PARD3B: variants seen among roughly 807,000 people sequenced by gnomAD.
PARD3B encodes the protein par-3 family cell polarity regulator beta.
Under a neutral mutation model 130.2 loss-of-function variants are expected in PARD3B, and 103 were observed. The observed-to-expected ratio is 0.79, with a 90% CI of 0.67 to 0.93. The LOEUF (loss-of-function observed/expected upper bound fraction) is 0.93, where lower values mean the gene tolerates loss of function less well. PARD3B is among the 40% of genes least tolerant of loss of function. PARD3B has a pLI of 0.00. For synonymous variants in PARD3B, 583 were observed against 553.2 expected, an observed-to-expected ratio of 1.05 and a Z score of -0.76; for missense variants, 1,609 against 1,499.2, an observed-to-expected ratio of 1.07 and a Z score of -1.21.
intron 2 of PARD3B, among the ~76,000 whole-genome samples, chr2:204,898,599 C>T (rs1187854329): frequency 1.3e-5 from 2 of 151,988 alleles, no homozygotes; most frequent in African/African-American, 4.8e-5. Flanking sequence ...ATTGTGCAGA[C>T]ATTGGGTGAA....
At chr2:205,250,541 T>C (rs747741798) in intron 16 of PARD3B, among the ~76,000 whole-genome samples, 1 of 152,146 alleles carries the variant, frequency 6.6e-6, no homozygotes, top group Non-Finnish European at 1.5e-5. Context: ...AAGTACTCAT[T>C]AACAATCTAG....
chr2:205,242,693 C>G (rs2039402294), intron 15 of PARD3B, among the ~76,000 whole-genome samples: 1 of 152,178 alleles, frequency 6.6e-6, no homozygotes, highest in South Asian at 2.1e-4. Flanking sequence ...TACCCCACAA[C>G]CGTCATCAAA....
chr2:205,272,476 G>T (rs573744197), intron 16 of PARD3B, among the ~76,000 whole-genome samples: 26 of 152,060 alleles, frequency 1.7e-4, no homozygotes, highest in Non-Finnish European at 3.4e-4. Context: ...ATGATTACTT[G>T]TTTTAACAAT....
chr2:204,700,216 T>C (rs937026367), intron 2 of PARD3B, among the ~76,000 whole-genome samples: 21 of 152,118 alleles, frequency 1.4e-4, no homozygotes, highest in African/African-American at 4.3e-4. Context: ...CTTTCCTCTT[T>C]TTCCAAAACA....
intron 2 of PARD3B, among the ~76,000 whole-genome samples, chr2:204,790,525 T>C (rs1372777248): frequency 6.6e-6 from 1 of 152,188 alleles, no homozygotes; most frequent in African/African-American, 2.4e-5. Flanking sequence ...TTCTGGGTGC[T>C]GATGTTTACA....
intron 16 of PARD3B, among the ~76,000 whole-genome samples, chr2:205,248,817 C>T (rs370470049): frequency 1.3e-5 from 2 of 151,474 alleles, no homozygotes; most frequent in Non-Finnish European, 2.9e-5. Context: ...CCATGTTAGC[C>T]AGGATGGTTT....
At position 204,643,115 on chromosome 2, in the gene PARD3B, C is replaced by CAAAAAAAAAAA. The variant is rs71029202; in HGVS notation, c.121-43055_121-43045dup. ...GGCGACAGAGGGAGACTCTGTCTCACAAAAAAAAAAAAAAAAAAAAATGTT... is the reference window on the plus strand; with the variant it reads ...GGCGACAGAGGGAGACTCTGTCTCACAAAAAAAAAAAAAAAAAAAAAAAAAAAAAAAATGTT... On this transcript the variant is annotated intron_variant, in intron 1 of 22. Transcript: ENST00000406610. 0.013 allele frequency among the ~76,000 whole-genome samples: 427 copies of CAAAAAAAAAAA among 31,782 alleles called. 61 individuals carry two copies. In the East Asian group the frequency reaches 0.16, roughly 12 times the overall value. 20.9% of individuals were successfully genotyped at this position (31,782 alleles called of 152,430 possible).
intron 11 of PARD3B, among the ~76,000 whole-genome samples, chr2:205,163,727 T>C (rs188143334): frequency 6.6e-6 from 1 of 152,268 alleles, no homozygotes; most frequent in Admixed American, 6.5e-5. Flanking sequence ...CAGTAGGAGC[T>C]CCCAGCGTGA....
chr2:205,063,223 A>G (rs1045735506), intron 4 of PARD3B, among the ~76,000 whole-genome samples: 2 of 152,114 alleles, frequency 1.3e-5, no homozygotes, highest in Non-Finnish European at 2.9e-5. Context: ...ATTTTGAAGT[A>G]TATAATGTAT....
chr2:204,605,923 A>G (rs911895146), intron 1 of PARD3B, among the ~76,000 whole-genome samples: 1 of 152,102 alleles, frequency 6.6e-6, no homozygotes, highest in African/African-American at 2.4e-5. Context: ...CTTGTAATCC[A>G]TGCTGCCTCA....
At chr2:204,579,528 C>G (rs2032439721) in intron 1 of PARD3B, among the ~76,000 whole-genome samples, 1 of 152,110 alleles carries the variant, frequency 6.6e-6, no homozygotes, top group Non-Finnish European at 1.5e-5. Context: ...CTGTTCTACT[C>G]AGTCTCGTAG....
chr2:204,619,807 G>A lies in PARD3B; in HGVS notation c.121-66374G>A, dbSNP rs182851672. On this transcript the variant is annotated intron_variant, in intron 1 of 22. Coordinates refer to ENST00000406610, the MANE Select transcript of PARD3B (RefSeq NM_001302769.2). ...ATTGTTTAGAAATAAGAGAAGGGAC[G>A]GTATCAGGGTAGTCCAACTTACTTT... is the stretch of plus-strand genomic sequence containing the variant. 1.6e-4 allele frequency among the ~76,000 whole-genome samples: 25 copies of A among 152,220 alleles called. 1 individual carries two copies. In the East Asian group the frequency reaches 3.7e-3, roughly 22 times the overall value.
At chr2:204,744,081 G>A (rs1347526476) in intron 2 of PARD3B, among the ~76,000 whole-genome samples, 1 of 152,162 alleles carries the variant, frequency 6.6e-6, no homozygotes, top group African/African-American at 2.4e-5. Flanking sequence ...TTAGATATCT[G>A]CTCTGTTCTT....
intron 2 of PARD3B, among the ~76,000 whole-genome samples, chr2:204,905,100 A>G (rs1427132687): frequency 6.6e-6 from 1 of 152,214 alleles, no homozygotes; most frequent in Non-Finnish European, 1.5e-5. Flanking sequence ...CACAAACTCT[A>G]AATTGCTGGA....
rs189704043 is a variant in PARD3B at position 205,038,106 on chromosome 2, T to C, written c.395-9475T>C. Reference sequence around the variant, plus strand: ...CATGATCTAGGACATTTTTAGGTGATGGCAGGTGGTCTGTTTGGCATATAC... The same window carrying C: ...CATGATCTAGGACATTTTTAGGTGACGGCAGGTGGTCTGTTTGGCATATAC... On this transcript the variant is annotated intron_variant, in intron 3 of 22. Transcript: ENST00000406610. Among the ~76,000 whole-genome samples, 230 of 152,246 alleles carry C rather than the reference T, an allele frequency of 1.5e-3. 2 individuals are homozygous for C. In the South Asian group the frequency reaches 0.016, roughly 10 times the overall value.
At chr2:205,546,669 T>C (rs1361571089) in intron 21 of PARD3B, among the ~76,000 whole-genome samples, 4 of 152,166 alleles carry the variant, frequency 2.6e-5, no homozygotes, top group South Asian at 2.1e-4. Context: ...CTTCTTAAAA[T>C]TGGCTTCCCT....
chr2:204,922,609 A>C (rs1020864192), intron 2 of PARD3B, among the ~76,000 whole-genome samples: 1 of 152,086 alleles, frequency 6.6e-6, no homozygotes, highest in Non-Finnish European at 1.5e-5. Flanking sequence ...CTTTGAAAGA[A>C]ATTGGTGGTA....
At chr2:204,761,830 C>T (rs2040911621) in intron 2 of PARD3B, among the ~76,000 whole-genome samples, 1 of 151,852 alleles carries the variant, frequency 6.6e-6, no homozygotes, top group Non-Finnish European at 1.5e-5. Context: ...AGTTATAAGC[C>T]TTGTTTTAAT....
intron 4 of PARD3B, among the ~76,000 whole-genome samples, chr2:205,057,878 T>TAA (rs35436581): frequency 2.0e-5 from 3 of 150,798 alleles, no homozygotes; most frequent in Admixed American, 1.3e-4. Flanking sequence ...TATGGCTTTT[T>TAA]AAAAAAAAGA....
Sources: allele counts gnomAD v4.1 joint callset (sites outside exome capture counted in the v4.1 genomes callset), GRCh38; gene constraint gnomAD v4.1.1; transcripts MANE v1.5; gene names NCBI Gene and HGNC (gene_info 2026-07-23, HGNC 2026-07-21).